The following SHB variants were observed in gnomAD, a reference collection of about 807,000 sequenced individuals.
SHB encodes the protein SH2 domain containing adaptor protein B, also known as SH2 domain-containing adapter protein B.
Under a neutral mutation model 52.3 loss-of-function variants are expected in SHB, and 20 were observed. The ratio of observed to expected loss-of-function variants is 0.38; its 90% CI spans 0.27 to 0.56. The LOEUF (loss-of-function observed/expected upper bound fraction) is 0.56, where lower values mean the gene tolerates loss of function less well. Ranked by LOEUF, SHB falls within the 20% of genes least tolerant of loss-of-function variation. The pLI, the probability that SHB is intolerant of heterozygous loss-of-function variation, is 0.71. For synonymous variants in SHB, 397 were observed against 316.5 expected (o/e 1.25, Z -2.70); for missense variants, 825 against 723.3 (o/e 1.14, Z -1.61).
intron 1 of SHB, among the ~76,000 whole-genome samples, chr9:38,042,001 T>C (rs1821585396): frequency 6.6e-6 from 1 of 152,350 alleles, no homozygotes. Flanking sequence ...TAGCTGGCGC[T>C]GCAGTCTGTT....
intron 1 of SHB, among the ~76,000 whole-genome samples, chr9:38,060,241 C>A (rs1003327251): frequency 4.6e-5 from 7 of 152,154 alleles, no homozygotes; most frequent in African/African-American, 1.7e-4. Flanking sequence ...GTGGCCTGAT[C>A]TCGGCTCACT....
chr9:38,043,737 A>C (rs1336219422), intron 1 of SHB, among the ~76,000 whole-genome samples: 3 of 152,132 alleles, frequency 2.0e-5, no homozygotes, highest in African/African-American at 2.4e-5. Context: ...TAAAAATACA[A>C]AACTAGCTGG....
chr9:37,929,578 T>C (rs1266642427), intron 5 of SHB, among the ~76,000 whole-genome samples: 2 of 152,170 alleles, frequency 1.3e-5, no homozygotes, highest in African/African-American at 4.8e-5. Flanking sequence ...ACGTCTGCTC[T>C]GTCATTCACG....
intron 1 of SHB, among the ~76,000 whole-genome samples, chr9:38,039,871 G>C (rs989115371): frequency 6.6e-6 from 1 of 152,228 alleles, no homozygotes; most frequent in African/African-American, 2.4e-5. Context: ...GAGAGGAGGA[G>C]AAATGGGCCT....
chr9:38,055,760 C>T (rs1421753720), intron 1 of SHB, among the ~76,000 whole-genome samples: 2 of 152,082 alleles, frequency 1.3e-5, no homozygotes, highest in Non-Finnish European at 2.9e-5. Context: ...GATGACTGAA[C>T]GCTACACCCA....
chr9:37,932,273 C>CAA (rs56281324), intron 5 of SHB, among the ~76,000 whole-genome samples: 30 of 56,694 alleles, frequency 5.3e-4, no homozygotes, highest in African/African-American at 2.0e-3. Context: ...AACTCCATCT[C>CAA]AAAAAAAAAA....
chr9:38,016,813 G>C (rs1259858268), intron 1 of SHB, among the ~76,000 whole-genome samples: 3 of 152,220 alleles, frequency 2.0e-5, no homozygotes, highest in Non-Finnish European at 4.4e-5. Context: ...CTGAGGTCCA[G>C]TGTGAGCAGA....
chr9:37,935,044 G>T (rs910427150), intron 5 of SHB, among the ~76,000 whole-genome samples: 1 of 152,206 alleles, frequency 6.6e-6, no homozygotes, highest in Non-Finnish European at 1.5e-5. Flanking sequence ...TTTGGTTAGG[G>T]TTGGAACAAT....
chr9:37,979,155 ATGTTT>A lies in SHB; in HGVS notation c.839-4323_839-4319del, dbSNP rs746456171. Reference sequence around the variant, plus strand: ...ATCTCACAAGGGAGTCTGTGACCATATGTTTTAAGTCACAAGTTATCTGAACATCA... The same window carrying A: ...ATCTCACAAGGGAGTCTGTGACCATATAAGTCACAAGTTATCTGAACATCA... On this transcript the variant is annotated intron_variant, in intron 2 of 5. Coordinates refer to ENST00000377707, the MANE Select transcript of SHB (RefSeq NM_003028.3). 4.4e-4 allele frequency among the ~76,000 whole-genome samples: 67 copies of A among 152,226 alleles called. 3 individuals carry two copies. The highest frequency in any genetic ancestry group is 4.7e-4 in the Non-Finnish European group (32 of 68,038).
intron 5 of SHB, among the ~76,000 whole-genome samples, chr9:37,922,879 C>G (rs1405531720): frequency 6.6e-6 from 1 of 152,172 alleles, no homozygotes; most frequent in African/African-American, 2.4e-5. Flanking sequence ...AGCCCTAGAT[C>G]CTGGATTCCA....
intron 1 of SHB, among the ~76,000 whole-genome samples, chr9:38,063,215 G>A (rs1450583743): frequency 6.6e-6 from 1 of 152,230 alleles, no homozygotes; most frequent in Non-Finnish European, 1.5e-5. Flanking sequence ...GATATTTTAA[G>A]AACTGGAGAG....
At chr9:38,041,417 T>G (rs1276099461) in intron 1 of SHB, among the ~76,000 whole-genome samples, 13 of 152,090 alleles carry the variant, frequency 8.5e-5, no homozygotes, top group Non-Finnish European at 1.9e-4. Flanking sequence ...CCTATGGGTA[T>G]GGGGCAAGAG....
intron 5 of SHB, among the ~76,000 whole-genome samples, chr9:37,938,283 T>C (rs1587200615): frequency 6.6e-6 from 1 of 152,254 alleles, no homozygotes; most frequent in African/African-American, 2.4e-5. Context: ...ATTCAGGCTG[T>C]AATCCCCGGG....
chr9:37,951,392 T>C (rs1006713252), intron 4 of SHB, among the ~76,000 whole-genome samples: 7 of 152,196 alleles, frequency 4.6e-5, no homozygotes, highest in African/African-American at 1.7e-4. Flanking sequence ...GACATGAAGG[T>C]CCATGTTATG....
At chr9:38,017,932 G>A (rs1821236050) in intron 1 of SHB, among the ~76,000 whole-genome samples, 1 of 152,220 alleles carries the variant, frequency 6.6e-6, no homozygotes, top group Admixed American at 6.5e-5. Flanking sequence ...AAACGGAACA[G>A]TTCAGATGCT....
At chr9:37,954,727 T>C (rs1301849282) in intron 4 of SHB, among the ~76,000 whole-genome samples, 1 of 152,184 alleles carries the variant, frequency 6.6e-6, no homozygotes, top group African/African-American at 2.4e-5. Context: ...GAGACACGGT[T>C]AGAAACTGAA....
intron 1 of SHB, among the ~76,000 whole-genome samples, chr9:38,064,463 A>G (rs1345699291): frequency 2.6e-5 from 4 of 152,150 alleles, no homozygotes; most frequent in South Asian, 2.1e-4. Flanking sequence ...ACACACGTCT[A>G]TGTTCACACA....
At chr9:37,992,243 A>G (rs746824940) in intron 2 of SHB, among the ~76,000 whole-genome samples, 9 of 152,076 alleles carry the variant, frequency 5.9e-5, no homozygotes, top group South Asian at 2.1e-4. Context: ...TCTACTAAAA[A>G]TACAAAAATT....
chr9:37,944,523 G>T (rs1832470155), intron 5 of SHB, among the ~76,000 whole-genome samples: 1 of 152,304 alleles, frequency 6.6e-6, no homozygotes, highest in South Asian at 2.1e-4. Context: ...GGGAGGAGAT[G>T]GGAGGACATG....
Sources: gnomAD v4.1 joint callset for allele counts (sites outside exome capture counted in the v4.1 genomes callset) on GRCh38, gnomAD v4.1.1 for gene constraint, MANE v1.5 for transcripts, NCBI Gene and HGNC (gene_info 2026-07-23, HGNC 2026-07-21) for gene names.